Variants in FARS2 observed in about 807,000 individuals in gnomAD.
FARS2 encodes phenylalanine--tRNA ligase, mitochondrial.
A neutral mutation model predicts 46.4 loss-of-function variants in FARS2; 40 were observed. That is an observed-to-expected ratio of 0.86 (90% CI 0.67 to 1.12). FARS2 has a LOEUF of 1.12. FARS2 is among the 50% of genes most tolerant of loss of function. The probability of loss-of-function intolerance (pLI) is 0.00; values close to 1 mark genes in which losing one functional copy is unlikely to be tolerated. For synonymous variants in FARS2, 234 were observed against 214.9 expected, an observed-to-expected ratio of 1.09 and a Z score of -0.78; for missense variants, 513 against 567.9, an observed-to-expected ratio of 0.90 and a Z score of 0.98.
intron 1 of FARS2, among the ~76,000 whole-genome samples, chr6:5,320,440 C>T (rs182620690): frequency 3.3e-5 from 5 of 152,366 alleles, no homozygotes; most frequent in African/African-American, 9.6e-5. Context: ...GGACCAAACC[C>T]TTCAGCTCTC....
At chr6:5,604,084 C>A (rs1203766681) in intron 5 of FARS2, among the ~76,000 whole-genome samples, 1 of 152,200 alleles carries the variant, frequency 6.6e-6, no homozygotes, top group Non-Finnish European at 1.5e-5. Flanking sequence ...TGGCTCCTAG[C>A]AGCTCCTTAA....
chr6:5,432,333 T>A (rs1391458994), intron 4 of FARS2, among the ~76,000 whole-genome samples: 2 of 33,214 alleles, frequency 6.0e-5, no homozygotes, highest in African/African-American at 1.6e-4. Flanking sequence ...AAAAAATATA[T>A]ATATATATAT....
chr6:5,357,091 C>T (rs1175809890), intron 1 of FARS2, among the ~76,000 whole-genome samples: 4 of 152,022 alleles, frequency 2.6e-5, no homozygotes, highest in Non-Finnish European at 5.9e-5. Flanking sequence ...CATAGAACAG[C>T]CTACTCTGAA....
intron 1 of FARS2, among the ~76,000 whole-genome samples, chr6:5,320,066 A>T (rs1288499220): frequency 6.6e-6 from 1 of 152,254 alleles, no homozygotes; most frequent in African/African-American, 2.4e-5. Context: ...CCACTTGATA[A>T]ATAGATCCCA....
At chr6:5,441,730 A>G (rs1763853470) in intron 4 of FARS2, among the ~76,000 whole-genome samples, 1 of 152,218 alleles carries the variant, frequency 6.6e-6, no homozygotes, top group Non-Finnish European at 1.5e-5. Context: ...CTCTGAATGT[A>G]TAGGTGTAAG....
At chr6:5,416,264 A>G (rs73350585) in intron 3 of FARS2, among the ~76,000 whole-genome samples, 1,880 of 152,222 alleles carry the variant, frequency 0.012, 45 homozygotes, top group African/African-American at 0.042. Flanking sequence ...GAAGTTTTAT[A>G]GTTTTCAGTT....
At chr6:5,474,661 C>CTT (rs34998565) in intron 4 of FARS2, among the ~76,000 whole-genome samples, 17 of 71,372 alleles carry the variant, frequency 2.4e-4, no homozygotes, top group South Asian at 1.2e-3. Flanking sequence ...AAATACAGTA[C>CTT]TGTTTTTTTT....
intron 6 of FARS2, among the ~76,000 whole-genome samples, chr6:5,710,206 G>C (rs370668841): frequency 2.0e-4 from 30 of 152,176 alleles, no homozygotes; most frequent in African/African-American, 7.2e-4. Flanking sequence ...ATATGTGATA[G>C]AGACAGATGA....
intron 5 of FARS2, among the ~76,000 whole-genome samples, chr6:5,549,556 C>A (rs1331687759): frequency 6.6e-6 from 1 of 152,148 alleles, no homozygotes; most frequent in Non-Finnish European, 1.5e-5. Flanking sequence ...ACATTGCCTT[C>A]TCTTTGACCT....
At chr6:5,533,170 T>C (rs1180459756) in intron 4 of FARS2, among the ~76,000 whole-genome samples, 4 of 152,160 alleles carry the variant, frequency 2.6e-5, no homozygotes, top group Non-Finnish European at 5.9e-5. Flanking sequence ...CTGTATACAG[T>C]AGAACTCAGC....
chr6:5,712,528 C>T (rs1023531744), intron 6 of FARS2, among the ~76,000 whole-genome samples: 1 of 152,222 alleles, frequency 6.6e-6, no homozygotes, highest in African/African-American at 2.4e-5. Context: ...TGTTCACTTT[C>T]CATCTCCTCA....
chr6:5,271,901 A>G (rs1434164142), intron 1 of FARS2, among the ~76,000 whole-genome samples: 1 of 152,184 alleles, frequency 6.6e-6, no homozygotes, highest in Admixed American at 6.5e-5. Context: ...AAATATTAAT[A>G]GTGTAATGAC....
chr6:5,597,809 A>C (rs1444369855), intron 5 of FARS2, among the ~76,000 whole-genome samples: 1 of 152,214 alleles, frequency 6.6e-6, no homozygotes, highest in Admixed American at 6.5e-5. Flanking sequence ...CAAATGCATA[A>C]ACCGTAGCCA....
At chr6:5,713,694 C>T (rs772132733) in intron 6 of FARS2, among the ~76,000 whole-genome samples, 4 of 152,224 alleles carry the variant, frequency 2.6e-5, no homozygotes, top group Non-Finnish European at 5.9e-5. Flanking sequence ...CAAAGAGCAC[C>T]GCTAAGCAGC....
intron 4 of FARS2, among the ~76,000 whole-genome samples, chr6:5,479,699 G>A (rs773052284): frequency 6.6e-5 from 10 of 152,026 alleles, no homozygotes; most frequent in African/African-American, 2.2e-4. Context: ...CAGTTCAGGC[G>A]GTATCGTGTA....
At chr6:5,424,367 G>A (rs1762729351) in intron 3 of FARS2, among the ~76,000 whole-genome samples, 1 of 152,192 alleles carries the variant, frequency 6.6e-6, no homozygotes, top group African/African-American at 2.4e-5. Flanking sequence ...GCTTTCAGTA[G>A]CACAACACTG....
At chr6:5,591,953 T>G (rs1773942210) in intron 5 of FARS2, among the ~76,000 whole-genome samples, 1 of 152,250 alleles carries the variant, frequency 6.6e-6, no homozygotes, top group South Asian at 2.1e-4. Context: ...CACATAGCTT[T>G]CTATACATAT....
chr6:5,581,282 A>G (rs1773312706), intron 5 of FARS2, among the ~76,000 whole-genome samples: 1 of 152,258 alleles, frequency 6.6e-6, no homozygotes, highest in South Asian at 2.1e-4. Context: ...TCTCTTGACT[A>G]GGAATACAAA....
chr6:5,444,090 C>CGTGTG (rs1763992648), intron 4 of FARS2, among the ~76,000 whole-genome samples: 1 of 88,160 alleles, frequency 1.1e-5, no homozygotes, highest in Admixed American at 1.1e-4. Context: ...ATGGAAGATC[C>CGTGTG]TCGTGTGTGT....
Sources: gnomAD v4.1 joint callset for allele counts (sites outside exome capture counted in the v4.1 genomes callset) on GRCh38, gnomAD v4.1.1 for gene constraint, MANE v1.5 for transcripts, NCBI Gene and HGNC (gene_info 2026-07-23, HGNC 2026-07-21) for gene names.